MBD3L1: variants seen among roughly 807,000 people sequenced by gnomAD.
MBD3L1 encodes the protein methyl-CpG binding domain protein 3 like 1.
For synonymous variants in MBD3L1, 84 were observed against 85.1 expected, an observed-to-expected ratio of 0.99 and a Z score of 0.07; for missense variants, 203 against 230.1, an observed-to-expected ratio of 0.88 and a Z score of 0.76.
intron 1 of MBD3L1, among the ~76,000 whole-genome samples, chr19:8,835,831 T>C (rs969628789): frequency 2.0e-5 from 3 of 152,256 alleles, no homozygotes; most frequent in Non-Finnish European, 4.4e-5. Context: ...CACAACGGAT[T>C]ATTATTCATC....
chr19:8,841,806 C>T (rs1205977504), intron 2 of MBD3L1, among the ~76,000 whole-genome samples: 1 of 152,132 alleles, frequency 6.6e-6, no homozygotes, highest in Admixed American at 6.6e-5. Flanking sequence ...ATTCGCCTGC[C>T]TTGGCCTCCC....
intron 1 of MBD3L1, among the ~76,000 whole-genome samples, chr19:8,840,097 T>C (rs2044496590): frequency 6.6e-6 from 1 of 151,724 alleles, no homozygotes; most frequent in African/African-American, 2.4e-5. Flanking sequence ...GGCAAGATAA[T>C]TGCTTGAACC....
intron 1 of MBD3L1, among the ~76,000 whole-genome samples, chr19:8,835,732 A>C (rs1303466491): frequency 6.6e-6 from 1 of 152,248 alleles, no homozygotes; most frequent in Non-Finnish European, 1.5e-5. Flanking sequence ...ATGAATGTTC[A>C]TAGCAGCATT....
At position 8,842,477 on chromosome 19, in the gene MBD3L1, A is replaced by AT. The variant is rs576560051; in HGVS notation, c.-21-177dup. 1.9e-3 allele frequency: 1,069 copies of AT among 555,520 alleles called. 3 individuals are homozygous for AT. Among genetic ancestry groups the AT allele is most frequent in the Non-Finnish European group, 2.5e-3 (797 of 313,102 alleles). 34.4% of individuals were successfully genotyped at this position (555,520 alleles called of 1,614,324 possible). A position where few individuals can be genotyped will look rare whatever the true frequency, so the allele number is the denominator to read the frequency against. On this transcript the variant is annotated intron_variant, in intron 2 of 2. Transcript: ENST00000595891. Reference sequence around the variant, plus strand: ...GGGGGTTTGCAGGATGATGAAGGAGATTTTGACCTTGAACTTTCTGTGCTT... The same window carrying AT: ...GGGGGTTTGCAGGATGATGAAGGAGATTTTTGACCTTGAACTTTCTGTGCTT...
At chr19:8,834,021 A>G (rs2044423752) in intron 1 of MBD3L1, among the ~76,000 whole-genome samples, 2 of 152,070 alleles carry the variant, frequency 1.3e-5, no homozygotes, top group African/African-American at 4.8e-5. Context: ...CAAAAACCAT[A>G]AACAAAAAAA....
At chr19:8,842,550 C>A (rs2044524019) in intron 2 of MBD3L1, 108 bp from the exon 3 acceptor site, 1 of 783,972 alleles carries the variant, frequency 1.3e-6, no homozygotes, top group East Asian at 2.7e-5. Context: ...CAGACCTATC[C>A]CCAGAGGGAG....
rs1312031213 is a variant in MBD3L1, at chr19:8,832,403, G to T, written c.-226G>T. On this transcript the variant is annotated 5_prime_UTR_variant, in exon 1 of 3. Coordinates refer to ENST00000595891, the MANE Select transcript of MBD3L1 (RefSeq NM_001393532.1). ...CAGAGTCGAGCGTGTTGGGGGTTCG[G>T]CGCTTAGGCGACAGGCGCGGCGGGC... The T allele has an allele frequency of 6.5e-6, 1 of 152,984 alleles. No homozygotes were observed. Among genetic ancestry groups the T allele is most frequent in the African/African-American group, 2.4e-5 (1 of 41,474 alleles). 9.5% of individuals were successfully genotyped at this position (152,984 alleles called of 1,614,324 possible).
At chr19:8,832,833 C>T (rs906061884) in intron 1 of MBD3L1, among the ~76,000 whole-genome samples, 1 of 151,704 alleles carries the variant, frequency 6.6e-6, no homozygotes, top group Non-Finnish European at 1.5e-5. Context: ...GTGGTTGTGA[C>T]AGCCCTGGAG....
intron 1 of MBD3L1, among the ~76,000 whole-genome samples, chr19:8,834,604 C>CAA (rs34714268): frequency 2.3e-5 from 2 of 88,532 alleles, no homozygotes; most frequent in Non-Finnish European, 4.5e-5. Context: ...GAGACTCCAT[C>CAA]AAAAAAAAAA....
intron 1 of MBD3L1, among the ~76,000 whole-genome samples, chr19:8,839,849 C>T (rs973817307): frequency 1.4e-4 from 22 of 151,800 alleles, no homozygotes; most frequent in Admixed American, 2.6e-4. Context: ...CTGTGTAGCT[C>T]GGAGAAACTT....
At chr19:8,841,463 G>A (rs1474030106) in intron 2 of MBD3L1, among the ~76,000 whole-genome samples, 6 of 152,084 alleles carry the variant, frequency 3.9e-5, no homozygotes, top group African/African-American at 1.4e-4. Context: ...TGCTCCTCAA[G>A]GTATGTTCAT....
intron 1 of MBD3L1, among the ~76,000 whole-genome samples, chr19:8,838,189 A>G (rs773290692): frequency 7.1e-6 from 1 of 141,818 alleles, no homozygotes; most frequent in Non-Finnish European, 1.5e-5. Context: ...CAGAGGTTGC[A>G]GTGAGCCGAG....
intron 1 of MBD3L1, among the ~76,000 whole-genome samples, chr19:8,839,305 C>T (rs906957163): frequency 6.6e-5 from 10 of 151,786 alleles, no homozygotes; most frequent in Admixed American, 4.6e-4. Context: ...CTGCCTCAGC[C>T]TCCTGAGTAG....
chr19:8,838,251 T>TA (rs1255124285), intron 1 of MBD3L1, among the ~76,000 whole-genome samples: 1 of 5,708 alleles, frequency 1.8e-4, no homozygotes, highest in African/African-American at 5.8e-4. Flanking sequence ...AGACTCCATC[T>TA]CAAAAAAAAA....
intron 2 of MBD3L1, among the ~76,000 whole-genome samples, chr19:8,842,254 G>A (rs1308932146): frequency 6.7e-6 from 1 of 149,940 alleles, no homozygotes; most frequent in African/African-American, 2.5e-5. Context: ...TGAGCCTGGG[G>A]AGGTAAAGGC....
chr19:8,843,297 G>A lies in MBD3L1; in HGVS notation c.*34G>A. The A allele has an allele frequency of 6.9e-7, 1 of 1,451,696 alleles. No individual in the cohort carries two copies. Among genetic ancestry groups the A allele is most frequent in the Non-Finnish European group, 9.2e-7 (1 of 1,089,698 alleles). The allele number at this position is 1,451,696 out of a possible 1,614,324, so 89.9% of individuals were successfully genotyped here. A position where few individuals can be genotyped will look rare whatever the true frequency, so the allele number is the denominator to read the frequency against. ...GGGAAGATAGTGCAGATGAAATAAA[G>A]TGTAATCCTTTATTAACATCTCTTT... On this transcript the variant is annotated 3_prime_UTR_variant, in exon 3 of 3. Coordinates refer to ENST00000595891, the MANE Select transcript of MBD3L1 (RefSeq NM_001393532.1).
At chr19:8,835,412 T>C (rs1446829149) in intron 1 of MBD3L1, among the ~76,000 whole-genome samples, 2 of 152,114 alleles carry the variant, frequency 1.3e-5, no homozygotes, top group Admixed American at 6.5e-5. Context: ...AAATGGCAAA[T>C]ATATACATGA....
At chr19:8,837,882 G>A (rs549863806) in intron 1 of MBD3L1, among the ~76,000 whole-genome samples, 1 of 152,200 alleles carries the variant, frequency 6.6e-6, no homozygotes, top group South Asian at 2.1e-4. Flanking sequence ...TGAAACAACT[G>A]GAAGGGACCA....
chr19:8,840,082 G>A (rs2044496432), intron 1 of MBD3L1, among the ~76,000 whole-genome samples: 2 of 151,826 alleles, frequency 1.3e-5, no homozygotes, highest in Admixed American at 1.3e-4. Context: ...TACTTGGGAG[G>A]CTGAGGCAAG....
Sources: allele counts gnomAD v4.1 joint callset (sites outside exome capture counted in the v4.1 genomes callset), GRCh38; gene constraint gnomAD v4.1.1; transcripts MANE v1.5; gene names NCBI Gene and HGNC (gene_info 2026-07-23, HGNC 2026-07-21).